ZMYM4: variants seen among roughly 807,000 people sequenced by gnomAD.
ZMYM4 encodes the protein zinc finger MYM-type protein 4.
ZMYM4 carries 31 observed loss-of-function variants against 183.2 expected under a neutral mutation model. That is an observed-to-expected ratio of 0.17 (90% CI 0.13 to 0.23). The LOEUF is 0.23. Ranked by LOEUF, ZMYM4 falls within the 10% of genes least tolerant of loss-of-function variation. The pLI is 1.00. For synonymous variants in ZMYM4, 592 were observed against 631.2 expected, an observed-to-expected ratio of 0.94 and a Z score of 0.93; for missense variants, 1,273 against 1,840.3, an observed-to-expected ratio of 0.69 and a Z score of 5.64.
chr1:35,316,513 C>T (rs147554938), intron 1 of ZMYM4, among the ~76,000 whole-genome samples: 1 of 152,332 alleles, frequency 6.6e-6, no homozygotes, highest in African/African-American at 2.4e-5. Context: ...GTCTCACGAG[C>T]AGTGACTAAT....
At chr1:35,364,858 A>G (rs565641846) in intron 5 of ZMYM4, among the ~76,000 whole-genome samples, 1 of 152,118 alleles carries the variant, frequency 6.6e-6, no homozygotes, top group Non-Finnish European at 1.5e-5. Flanking sequence ...TACTATATAA[A>G]CAAGGTGCTG....
At chr1:35,353,511 C>G (rs1404174510) in intron 2 of ZMYM4, among the ~76,000 whole-genome samples, 1 of 152,162 alleles carries the variant, frequency 6.6e-6, no homozygotes, top group East Asian at 1.9e-4. Flanking sequence ...CACTCTTCCT[C>G]TCATACATGC....
At chr1:35,282,498 G>A (rs893052300) in intron 1 of ZMYM4, among the ~76,000 whole-genome samples, 2 of 152,248 alleles carry the variant, frequency 1.3e-5, no homozygotes, top group African/African-American at 4.8e-5. Context: ...ACTAGTACAG[G>A]TATGTACCTA....
At chr1:35,352,295 A>G (rs1340694643) in intron 2 of ZMYM4, among the ~76,000 whole-genome samples, 1 of 150,620 alleles carries the variant, frequency 6.6e-6, no homozygotes, top group Non-Finnish European at 1.5e-5. Context: ...ACACACACAC[A>G]CACACACACA....
rs1489774943 is a variant in ZMYM4 at position 35,381,542 on chromosome 1, C to A, written c.1357-4C>A. On this transcript the variant is annotated splice_polypyrimidine_tract_variant and splice_region_variant and intron_variant, in intron 8 of 29. Coordinates refer to ENST00000314607, the MANE Select transcript of ZMYM4 (RefSeq NM_005095.3). ...TTTTTGTGTTGCTGTTATTTAATTT[C>A]TAGATTCGACATGAAGTTAATTACC... The A allele has an allele frequency of 6.2e-7, 1 of 1,613,928 alleles. No homozygotes were observed. The highest frequency in any genetic ancestry group is 8.5e-7 in the Non-Finnish European group (1 of 1,179,974).
chr1:35,383,900 G>A (rs1322014076), intron 9 of ZMYM4, among the ~76,000 whole-genome samples: 1 of 152,136 alleles, frequency 6.6e-6, no homozygotes, highest in Non-Finnish European at 1.5e-5. Flanking sequence ...CAGTTTTTCT[G>A]TCTGTAAATA....
chr1:35,377,822 TTAAGA>T (rs1644367396), intron 7 of ZMYM4, among the ~76,000 whole-genome samples: 1 of 152,246 alleles, frequency 6.6e-6, no homozygotes, highest in Non-Finnish European at 1.5e-5. Flanking sequence ...TGGCAATTTC[TTAAGA>T]TAACAATGAA....
intron 2 of ZMYM4, among the ~76,000 whole-genome samples, chr1:35,354,255 A>G (rs1173332816): frequency 6.6e-6 from 1 of 152,236 alleles, no homozygotes; most frequent in Non-Finnish European, 1.5e-5. Flanking sequence ...GATCTTGGGA[A>G]TTCATAAAGC....
intron 1 of ZMYM4, among the ~76,000 whole-genome samples, chr1:35,319,311 G>A (rs926101729): frequency 2.6e-5 from 4 of 152,064 alleles, no homozygotes; most frequent in East Asian, 1.9e-4. Flanking sequence ...ATATTTCTGC[G>A]TGGTAGCTGC....
intron 1 of ZMYM4, among the ~76,000 whole-genome samples, chr1:35,323,449 T>G (rs1185357577): frequency 1.3e-5 from 2 of 152,228 alleles, no homozygotes; most frequent in Admixed American, 6.5e-5. Context: ...AAAAACAAAC[T>G]GTTATTAAAC....
chr1:35,317,058 G>A (rs1055352932), intron 1 of ZMYM4, among the ~76,000 whole-genome samples: 1 of 151,630 alleles, frequency 6.6e-6, no homozygotes, highest in African/African-American at 2.4e-5. Flanking sequence ...GGAGGTGGAG[G>A]TTGCAGTGAG....
intron 1 of ZMYM4, among the ~76,000 whole-genome samples, chr1:35,306,040 A>C (rs897871282): frequency 3.9e-5 from 6 of 152,046 alleles, no homozygotes; most frequent in African/African-American, 1.4e-4. Context: ...TATTCCTTTT[A>C]GACTTAATGT....
Position 35,397,402 on chromosome 1 carries a change from C to T in ZMYM4, c.3056C>T (p.Ser1019Phe), listed in dbSNP as rs1297998065. ...ATGCCTGTCCCTATGCTTATTCCAT[C>T]TTCAATGGATAGTGAAGATAAAGTC... ...VPMPVPMLIP[S>F]SMDSEDKVTE... The change falls in exon 20 of 30, where the codon TCT becomes TTT. Residue 1019 changes from serine to phenylalanine, a missense_variant. By Grantham distance (155) the Ser-to-Phe change is radical. Transcript: ENST00000314607. 6.2e-7 allele frequency: 1 copy of T among 1,608,364 alleles called. No individual in the cohort carries two copies. The highest frequency in any genetic ancestry group is 8.5e-7 in the Non-Finnish European group (1 of 1,177,530).
At chr1:35,374,698 ATTT>A (rs545746107) in intron 7 of ZMYM4, among the ~76,000 whole-genome samples, 1 of 148,072 alleles carries the variant, frequency 6.8e-6, no homozygotes, top group Non-Finnish European at 1.5e-5. Flanking sequence ...TCAGTCATAG[ATTT>A]TTTTTTTTAA....
At chr1:35,319,468 T>A (rs921942034) in intron 1 of ZMYM4, among the ~76,000 whole-genome samples, 54 of 151,886 alleles carry the variant, frequency 3.6e-4, no homozygotes, top group African/African-American at 1.1e-3. Flanking sequence ...CAGAAAATTT[T>A]AAAAAATTAG....
intron 1 of ZMYM4, among the ~76,000 whole-genome samples, chr1:35,305,751 G>C (rs1641507647): frequency 6.6e-6 from 1 of 151,456 alleles, no homozygotes; most frequent in Non-Finnish European, 1.5e-5. Flanking sequence ...TTCTTGCTTT[G>C]TTGCCCAGGC....
Position 35,405,381 on chromosome 1 carries a change from C to G in ZMYM4, c.3709C>G (p.Gln1237Glu). 1 of 1,607,222 alleles carries G rather than the reference C, an allele frequency of 6.2e-7. No homozygotes were observed. Among genetic ancestry groups the G allele is most frequent in the Non-Finnish European group, 8.5e-7 (1 of 1,178,402 alleles). Reference protein sequence around the residue: ...QGDLKCGGVEQASSSPRSDPL... With the variant: ...QGDLKCGGVEEASSSPRSDPL... ...GTTTCTCTCCTTGTCAGGGGTTGAACAGGCCTCATCTAGCCCACGTTCTGA... is the reference window on the plus strand; with the variant it reads ...GTTTCTCTCCTTGTCAGGGGTTGAAGAGGCCTCATCTAGCCCACGTTCTGA... The change falls in exon 25 of 30, where the codon CAG (glutamine) becomes GAG (glutamate). Residue 1237 changes from glutamine to glutamate, a missense_variant. By Grantham distance (29) the Gln-to-Glu change is conservative (BLOSUM62 2). Around this residue, in one of 6 missense-constraint regions of ZMYM4, gnomAD observed 133 missense variants for 155.7 expected, o/e 0.85. Coordinates refer to ENST00000314607, the MANE Select transcript of ZMYM4 (RefSeq NM_005095.3).
At chr1:35,356,164 C>T (rs1254746240) in intron 2 of ZMYM4, among the ~76,000 whole-genome samples, 2 of 152,176 alleles carry the variant, frequency 1.3e-5, no homozygotes, top group East Asian at 3.9e-4. Context: ...AAGCTGAGAT[C>T]ATGCCACTGC....
At chr1:35,364,623 CT>C (rs1644024739) in intron 5 of ZMYM4, among the ~76,000 whole-genome samples, 1 of 152,156 alleles carries the variant, frequency 6.6e-6, no homozygotes, top group Non-Finnish European at 1.5e-5. Flanking sequence ...CTATTAGCCT[CT>C]CATAAAATAC....
Sources: gnomAD v4.1 joint callset for allele counts (sites outside exome capture counted in the v4.1 genomes callset) on GRCh38, gnomAD v4.1.1 for gene constraint, gnomAD v4.1.1 regional missense constraint, MANE v1.5 for transcripts, NCBI Gene and HGNC (gene_info 2026-07-23, HGNC 2026-07-21) for gene names.